DPYSL4: variants seen among roughly 807,000 people sequenced by gnomAD.
DPYSL4 encodes the protein dihydropyrimidinase like 4, also known as dihydropyrimidinase-related protein 4.
DPYSL4 carries 43 observed loss-of-function variants against 63.4 expected under a neutral mutation model. The ratio of observed to expected loss-of-function variants is 0.68; its 90% confidence interval spans 0.53 to 0.88. DPYSL4 has a LOEUF of 0.88. Ranked by LOEUF, DPYSL4 falls within the 40% of genes least tolerant of loss-of-function variation. The pLI is 0.00. For synonymous variants in DPYSL4, 353 were observed against 331.7 expected (o/e 1.06, Z -0.70); for missense variants, 733 against 819.5 (o/e 0.89, Z 1.29).
rs185030828 is a variant in DPYSL4, at chr10:132,205,259, G to A, written c.*329G>A. The A allele has an allele frequency of 5.3e-5, 12 of 226,376 alleles. No individual in the cohort carries two copies. Among genetic ancestry groups the A allele is most frequent in the Admixed American group, 5.1e-4 (9 of 17,590 alleles). 14.0% of individuals were successfully genotyped at this position (226,376 alleles called of 1,614,324 possible). A position where few individuals can be genotyped will look rare whatever the true frequency, so the allele number is the denominator to read the frequency against. On this transcript the variant is annotated 3_prime_UTR_variant, in exon 14 of 14. Transcript: ENST00000338492. ...ACAGGGAACCTGCCGGGCTCACAGT[G>A]TGGGAGCAGCTGGACACCAGGCTTC...
chr10:132,194,758 G>A, intron 3 of DPYSL4, 87 bp from the exon 4 acceptor site: 1 of 1,535,536 alleles, frequency 6.5e-7, no homozygotes, highest in Non-Finnish European at 8.9e-7. Flanking sequence ...GGTCTCTTGG[G>A]AACATGAAAC....
In DPYSL4 at chr10:132,197,076, C is replaced by A; in HGVS notation, c.596C>A (p.Ala199Asp). The change falls in exon 6 of 14, where the codon GCT (alanine) becomes GAT (aspartate). Residue 199 changes from alanine (A) to aspartate (D), a missense_variant. Coordinates refer to ENST00000338492, the MANE Select transcript of DPYSL4 (RefSeq NM_006426.3). The part of the protein sequence containing the change: ...RDLGALAQVH[A>D]ENGDIVEEEQ... ...CTGGGGGCCTTGGCCCAGGTGCACGCTGAGAACGGGGACATCGTGGAGGAG... is the reference window on the plus strand; with the variant it reads ...CTGGGGGCCTTGGCCCAGGTGCACGATGAGAACGGGGACATCGTGGAGGAG... 6.4e-7 allele frequency: 1 copy of A among 1,550,936 alleles called. No individual in the cohort carries two copies.
Position 132,195,016 on chromosome 10 carries a change from G to T in DPYSL4, c.478+7G>T. 1 of 1,600,152 alleles carries T rather than the reference G, an allele frequency of 6.2e-7. No homozygotes were observed. Among genetic ancestry groups the T allele is most frequent in the Non-Finnish European group, 8.5e-7 (1 of 1,179,056 alleles). On this transcript the variant is annotated splice_region_variant and intron_variant, in intron 4 of 13. Coordinates refer to ENST00000338492, the MANE Select transcript of DPYSL4 (RefSeq NM_006426.3). ...GCCCTGGTCAAGGAGAAGGGTGAGG[G>T]TGGCTGGAGGGGCTGGAGGGCGGGC...
intron 6 of DPYSL4, 35 bp from the exon 7 acceptor site, chr10:132,198,379 AG>A: frequency 1.3e-6 from 2 of 1,584,242 alleles, no homozygotes; most frequent in Non-Finnish European, 8.6e-7. Context: ...GGCTCCCTTC[AG>A]GGCTTGGAGC....
rs550394278 is a variant in DPYSL4, at chr10:132,204,744, C to G, written c.1628-95C>G. The G allele has an allele frequency of 2.0e-5, 22 of 1,119,082 alleles. 1 individual carries two copies. The South Asian group carries it at 2.6e-4, about 13-fold the overall frequency. The allele number at this position is 1,119,082 out of a possible 1,614,324, so 69.3% of individuals were successfully genotyped here. A position where few individuals can be genotyped will look rare whatever the true frequency, so the allele number is the denominator to read the frequency against. On this transcript the variant is annotated intron_variant, in intron 13 of 13. Coordinates refer to ENST00000338492, the MANE Select transcript of DPYSL4 (RefSeq NM_006426.3). ...GTGCGGGGGCTCTGCAGTCCTGGCC[C>G]CACTGACGCAGCCACTGACTCTGCC...
At chr10:132,199,209 G>A (rs2061981658) in intron 8 of DPYSL4, among the ~76,000 whole-genome samples, 1 of 152,192 alleles carries the variant, frequency 6.6e-6, no homozygotes, top group Non-Finnish European at 1.5e-5. Context: ...GGCAAAACAT[G>A]GGGACGCTCA....
At chr10:132,189,432 G>T (rs1299357729) in intron 1 of DPYSL4, among the ~76,000 whole-genome samples, 1 of 152,226 alleles carries the variant, frequency 6.6e-6, no homozygotes, top group Non-Finnish European at 1.5e-5. Flanking sequence ...CGGCCATCTG[G>T]TAGGATTCTT....
rs753047435 is a variant in DPYSL4 at position 132,202,077 on chromosome 10, C to T, written c.1242C>T (p.Pro414=). The T allele has an allele frequency of 6.8e-6, 11 of 1,612,866 alleles. No homozygotes were observed. The highest frequency in any genetic ancestry group is 3.3e-4 in the Middle Eastern group (2 of 6,074). Residue 414 remains proline, a synonymous_variant, in exon 11 of 14, where the codon CCC becomes CCT. Coordinates refer to ENST00000338492, the MANE Select transcript of DPYSL4 (RefSeq NM_006426.3). ...ACGCTGACCTGGTCATATGGAACCC[C>T]AAGGCCACCAAGATCATCTCTGCCA... ...GSDADLVIWN[P]KATKIISAKT...
At chr10:132,193,446 C>T (rs1426411350) in intron 3 of DPYSL4, among the ~76,000 whole-genome samples, 3 of 152,220 alleles carry the variant, frequency 2.0e-5, no homozygotes, top group African/African-American at 7.2e-5. Flanking sequence ...CCCAGCTGGG[C>T]TCAGCTAAGC....
chr10:132,195,497 ATC>A (rs2061931845), intron 4 of DPYSL4, among the ~76,000 whole-genome samples: 2 of 152,138 alleles, frequency 1.3e-5, no homozygotes, highest in Non-Finnish European at 2.9e-5. Context: ...ATTATAGCCG[ATC>A]TCTCCTAATC....
At chr10:132,198,708 C>G in intron 7 of DPYSL4, 143 bp from the exon 8 acceptor site, 1 of 1,311,284 alleles carries the variant, frequency 7.6e-7, no homozygotes, top group Non-Finnish European at 1.0e-6. Flanking sequence ...CAGGCCCAGG[C>G]ACTGAGCCCG....
chr10:132,194,684 G>A (rs1261819378), intron 3 of DPYSL4, among the ~76,000 whole-genome samples, 161 bp from the exon 4 acceptor site: 5 of 152,188 alleles, frequency 3.3e-5, no homozygotes, highest in African/African-American at 4.8e-5. Context: ...GAACGGGTTC[G>A]TGGCAGCGTC....
Position 132,203,795 on chromosome 10 carries a change from T to C in DPYSL4, c.1495T>C (p.Tyr499His), listed in dbSNP as rs1479099665. 1.2e-6 allele frequency: 2 copies of C among 1,612,074 alleles called. No individual in the cohort carries two copies. The highest frequency in any genetic ancestry group is 2.7e-5 in the African/African-American group (2 of 74,916). The change falls in exon 13 of 14, where the codon TAT becomes CAT. Residue 499 changes from tyrosine to histidine, a missense_variant. Physicochemically the swap from Tyr to His is moderately conservative, Grantham distance 83. Coordinates refer to ENST00000338492, the MANE Select transcript of DPYSL4 (RefSeq NM_006426.3). ...AEIHGVPRGL[Y>H]DGPVHEVMVP... ...GATCCACGGTGTGCCCCGTGGACTG[T>C]ATGACGGGCCCGTCCACGAGGTGAT...
In DPYSL4 at chr10:132,194,947, T is replaced by C. The variant is rs769374433; in HGVS notation, c.416T>C (p.Val139Ala). ...GCCTGCTGCGACTACTCCCTGCACG[T>C]GGACATCACCCGATGGCATGAGAGC... is the stretch of plus-strand genomic sequence containing the variant. ...SAACCDYSLH[V>A]DITRWHESIK... Residue 139 changes from valine to alanine, a missense_variant, in exon 4 of 14, where the codon GTG (valine) becomes GCG (alanine). By Grantham distance (64) the Val-to-Ala change is moderately conservative. Coordinates refer to ENST00000338492, the MANE Select transcript of DPYSL4 (RefSeq NM_006426.3). 1 of 1,611,584 alleles carries C rather than the reference T, an allele frequency of 6.2e-7. No individual in the cohort carries two copies. The highest frequency in any genetic ancestry group is 8.5e-7 in the Non-Finnish European group (1 of 1,179,888).
In DPYSL4 at chr10:132,200,491, A is replaced by G. The variant is rs1590103157; in HGVS notation, c.947A>G (p.His316Arg). Reference sequence around the variant, plus strand: ...AACCCAGACCCCACCACGGCGGACCACCTCACCTGCTTGCTGTCCAGGTAA... The same window carrying G: ...AACCCAGACCCCACCACGGCGGACCGCCTCACCTGCTTGCTGTCCAGGTAA... ...PVNPDPTTAD[H>R]LTCLLSSGDL... Residue 316 changes from histidine to arginine, a missense_variant, in exon 9 of 14, where the codon CAC becomes CGC. By Grantham distance (29) the His-to-Arg change is conservative. Coordinates refer to ENST00000338492, the MANE Select transcript of DPYSL4 (RefSeq NM_006426.3). The G allele has an allele frequency of 2.5e-6, 4 of 1,612,916 alleles. No homozygotes were observed. Among genetic ancestry groups the G allele is most frequent in the Non-Finnish European group, 3.4e-6 (4 of 1,179,818 alleles).
At chr10:132,195,602 A>G (rs968638964) in intron 4 of DPYSL4, among the ~76,000 whole-genome samples, 5 of 152,128 alleles carry the variant, frequency 3.3e-5, no homozygotes, top group African/African-American at 1.2e-4. Context: ...ACTCCCAGGG[A>G]TGCCTGCTAC....
At chr10:132,192,354 C>T (rs1011964233) in intron 2 of DPYSL4, 36 of 1,043,622 alleles carry the variant, frequency 3.4e-5, no homozygotes, top group Non-Finnish European at 3.9e-5. Flanking sequence ...AGCGCACCTG[C>T]TTCCGTTTGT....
intron 2 of DPYSL4, 198 bp from the exon 3 acceptor site, chr10:132,192,460 G>A: frequency 1.5e-6 from 2 of 1,291,462 alleles, no homozygotes; most frequent in Non-Finnish European, 9.8e-7. Context: ...ACCCTGCAGT[G>A]ACCGTCCTGA....
chr10:132,200,310 G>GA, intron 8 of DPYSL4, 46 bp from the exon 9 acceptor site: 3 of 1,606,426 alleles, frequency 1.9e-6, no homozygotes, highest in Non-Finnish European at 2.5e-6. Flanking sequence ...GGCCCCAGGG[G>GA]GTGCAGGTGG....
Sources: allele counts gnomAD v4.1 joint callset (sites outside exome capture counted in the v4.1 genomes callset), GRCh38; gene constraint gnomAD v4.1.1; transcripts MANE v1.5; gene names NCBI Gene and HGNC (gene_info 2026-07-23, HGNC 2026-07-21).